The following RNF212B variants were observed in gnomAD, a reference collection of about 807,000 sequenced individuals.
RNF212B encodes the protein E3 ubiquitin-protein ligase RNF212B.
RNF212B carries 52 observed loss-of-function variants against 55.5 expected under a neutral mutation model. The ratio of observed to expected loss-of-function variants is 0.94; its 90% CI spans 0.75 to 1.18. RNF212B has a LOEUF of 1.18. Ranked by LOEUF, RNF212B falls within the 50% of genes most tolerant of loss-of-function variation. RNF212B has a pLI of 0.00. For missense variants in RNF212B, 289 were observed against 350.4 expected (o/e 0.82, Z 1.40); for synonymous variants, 99 against 121.4 (o/e 0.82, Z 1.21).
intron 2 of RNF212B, among the ~76,000 whole-genome samples, chr14:23,204,481 G>A (rs1198115275): frequency 6.6e-6 from 1 of 151,524 alleles, no homozygotes; most frequent in African/African-American, 2.4e-5. Context: ...ATTAAAAAGT[G>A]TCCTTTCCCC....
intron 11 of RNF212B, among the ~76,000 whole-genome samples, chr14:23,265,220 TGGA>T (rs1885601956): frequency 6.6e-6 from 1 of 152,216 alleles, no homozygotes; most frequent in Non-Finnish European, 1.5e-5. Context: ...GGTCAGGAGA[TGGA>T]GGATAACTTT....
At chr14:23,229,008 G>A (rs549586769) in intron 2 of RNF212B, among the ~76,000 whole-genome samples, 85 of 151,522 alleles carry the variant, frequency 5.6e-4, no homozygotes, top group Middle Eastern at 3.2e-3. Context: ...CACCCATTAA[G>A]CAATTACTTC....
At chr14:23,270,315 G>A (rs1366059595) in intron 13 of RNF212B, among the ~76,000 whole-genome samples, 6 of 152,180 alleles carry the variant, frequency 3.9e-5, no homozygotes, top group Non-Finnish European at 1.5e-5. Context: ...TTCAGTAAAG[G>A]TGGTACCACC....
intron 4 of RNF212B, among the ~76,000 whole-genome samples, chr14:23,248,801 A>G (rs1009754188): frequency 2.6e-5 from 4 of 152,196 alleles, no homozygotes; most frequent in Non-Finnish European, 4.4e-5. Flanking sequence ...TCATGACATA[A>G]TCACCTCCTA....
chr14:23,249,943 G>A (rs907225756), intron 4 of RNF212B, among the ~76,000 whole-genome samples: 1 of 152,092 alleles, frequency 6.6e-6, no homozygotes, highest in Non-Finnish European at 1.5e-5. Context: ...ATCCTTTGGT[G>A]GCTTCCTATC....
chr14:23,248,961 G>A (rs567993769), intron 4 of RNF212B, among the ~76,000 whole-genome samples: 4 of 152,200 alleles, frequency 2.6e-5, no homozygotes, highest in Non-Finnish European at 5.9e-5. Context: ...CAACTCTGCT[G>A]TTGTAGCATG....
upstream of RNF212B, among the ~76,000 whole-genome samples, chr14:23,234,052 G>A (rs996294695): frequency 2.0e-5 from 3 of 152,136 alleles, no homozygotes; most frequent in African/African-American, 7.2e-5. Context: ...AGCTGAGATA[G>A]TACCACTGCA....
intron 2 of RNF212B, among the ~76,000 whole-genome samples, chr14:23,199,812 C>T (rs1879105877): frequency 6.6e-6 from 1 of 152,074 alleles, no homozygotes; most frequent in South Asian, 2.1e-4. Context: ...AAATTGGTTG[C>T]TGTTATTTTC....
rs552581647 is a variant in RNF212B, at chr14:23,263,749, C to A, written c.525-425C>A. Among the ~76,000 whole-genome samples the A allele has an allele frequency of 2.6e-3, 394 of 151,994 alleles. 2 individuals are homozygous for A. The highest frequency in any genetic ancestry group is 9.0e-3 in the African/African-American group (372 of 41,454). Reference sequence around the variant, plus strand: ...TTTCTATTAGTGACATGTGCCCCTTCCCCCAAAAAAAACGAGTGTTCTGTG... The same window carrying A: ...TTTCTATTAGTGACATGTGCCCCTTACCCCAAAAAAAACGAGTGTTCTGTG... On this transcript the variant is annotated intron_variant, in intron 9 of 14. Transcript: ENST00000430154.
intron 2 of RNF212B, among the ~76,000 whole-genome samples, chr14:23,225,755 G>A (rs1247799112): frequency 6.6e-6 from 1 of 151,836 alleles, no homozygotes; most frequent in African/African-American, 2.4e-5. Flanking sequence ...AGCATAACAG[G>A]GTGACTATAG....
intron 2 of RNF212B, among the ~76,000 whole-genome samples, chr14:23,219,079 A>G (rs1214448314): frequency 6.6e-6 from 1 of 152,224 alleles, no homozygotes; most frequent in African/African-American, 2.4e-5. Context: ...TTACCTTAGA[A>G]TATATTCAGT....
chr14:23,203,197 T>A (rs551139394), intron 2 of RNF212B, among the ~76,000 whole-genome samples: 4 of 152,112 alleles, frequency 2.6e-5, no homozygotes, highest in African/African-American at 9.6e-5. Flanking sequence ...CTGTGTATCT[T>A]TATAGCTTAG....
At chr14:23,234,492 A>G (rs1364429151), upstream of RNF212B, among the ~76,000 whole-genome samples, 1 of 152,144 alleles carries the variant, frequency 6.6e-6, no homozygotes, top group Non-Finnish European at 1.5e-5. Flanking sequence ...TTATCCTGGT[A>G]AACAGTATGA....
chr14:23,272,984 C>T lies in RNF212B; in HGVS notation c.*93C>T. ...GGTGATGGCCCTGGAAAATGTATCC[C>T]TGCATTGTTTCCTAGTTTCACTCTG... On this transcript the variant is annotated 3_prime_UTR_variant, in exon 15 of 15. Coordinates refer to ENST00000430154, the MANE Select transcript of RNF212B (RefSeq NM_001282322.3). 1 of 696,618 alleles carries T rather than the reference C, an allele frequency of 1.4e-6. No homozygotes were observed. Among genetic ancestry groups the T allele is most frequent in the Non-Finnish European group, 2.4e-6 (1 of 422,352 alleles). The allele number at this position is 696,618 out of a possible 1,614,324, so 43.2% of individuals were successfully genotyped here.
chr14:23,241,960 T>C (rs1883604671), intron 2 of RNF212B, among the ~76,000 whole-genome samples: 2 of 150,552 alleles, frequency 1.3e-5, no homozygotes, highest in African/African-American at 4.9e-5. Context: ...CGGGCGCCTA[T>C]GGTCCCAGCT....
intron 1 of RNF212B, among the ~76,000 whole-genome samples, chr14:23,192,475 G>A (rs1174337366): frequency 1.4e-5 from 2 of 142,434 alleles, no homozygotes; most frequent in East Asian, 2.1e-4. Context: ...TCATAGGTGG[G>A]AATTGAACAA....
rs1291713737 is a variant in RNF212B, at chr14:23,262,935, A to C, written c.489A>C (p.Pro163=). ...TACTTTATTCTCTTTCAGTTACCCCACGACCCAGTTTCCAGCATAGCAGTC... is the reference window on the plus strand; with the variant it reads ...TACTTTATTCTCTTTCAGTTACCCCCCGACCCAGTTTCCAGCATAGCAGTC... The part of the protein sequence containing the change: ...GITSPSQSVT[P]RPSFQHSSQV... The change falls in exon 9 of 15, where the codon CCA becomes CCC. Residue 163 remains proline (P), a synonymous_variant. Coordinates refer to ENST00000430154, the MANE Select transcript of RNF212B (RefSeq NM_001282322.3). 1.3e-6 allele frequency: 2 copies of C among 1,550,534 alleles called. No individual in the cohort carries two copies. The highest frequency in any genetic ancestry group is 3.9e-5 in the Admixed American group (2 of 51,000).
intron 2 of RNF212B, among the ~76,000 whole-genome samples, chr14:23,242,713 T>A (rs909436494): frequency 7.2e-5 from 11 of 152,118 alleles, no homozygotes; most frequent in African/African-American, 2.7e-4. Context: ...TGGCTCATGC[T>A]TATAAACTCA....
chr14:23,238,768 A>AATG (rs796661846), intron 1 of RNF212B, among the ~76,000 whole-genome samples: 1 of 117,458 alleles, frequency 8.5e-6, no homozygotes, highest in Non-Finnish European at 2.0e-5. Flanking sequence ...TAATAATAAT[A>AATG]ATAATAATAA....
Sources: gnomAD v4.1 joint callset for allele counts (sites outside exome capture counted in the v4.1 genomes callset) on GRCh38, gnomAD v4.1.1 for gene constraint, MANE v1.5 for transcripts, NCBI Gene and HGNC (gene_info 2026-07-23, HGNC 2026-07-21) for gene names.